Variants in COL6A5 observed in about 807,000 individuals in gnomAD.
The protein encoded by COL6A5 is collagen alpha-5(VI) chain.
COL6A5 carries 48 observed loss-of-function variants against 65.6 expected under a neutral mutation model. The ratio of observed to expected loss-of-function variants is 0.73; its 90% CI spans 0.58 to 0.93. COL6A5 has a LOEUF of 0.93. COL6A5 is among the 40% of genes least tolerant of loss of function. COL6A5 has a pLI of 0.00. For synonymous variants in COL6A5, 291 were observed against 322.8 expected (o/e 0.90, Z 1.05); for missense variants, 914 against 928.3 (o/e 0.98, Z 0.20).
intron 25 of COL6A5, among the ~76,000 whole-genome samples, chr3:130,420,156 G>GGA (rs58790676): frequency 1.3e-5 from 2 of 151,544 alleles, no homozygotes; most frequent in Non-Finnish European, 1.5e-5. Flanking sequence ...AAGGAAGGAA[G>GGA]AGAGGAAAGA....
intron 4 of COL6A5, among the ~76,000 whole-genome samples, chr3:130,383,767 C>G (rs771145098): frequency 1.2e-4 from 18 of 152,012 alleles, no homozygotes; most frequent in Non-Finnish European, 2.2e-4. Context: ...CTGTGAATAT[C>G]TACATAAAGT....
At chr3:130,373,523 A>G (rs1935639927) in intron 1 of COL6A5, 88 bp from the exon 2 acceptor site, 6 of 642,496 alleles carry the variant, frequency 9.3e-6, no homozygotes. Context: ...ACTTGTTTAC[A>G]GGTACCATGC....
At chr3:130,471,074 TTGTG>T (rs34150957) in intron 7 of COL6A5, 107 bp downstream of exon 39, 7,420 of 552,584 alleles carry the variant, frequency 0.013, 107 homozygotes, top group East Asian at 0.064. Context: ...GTGTGTGTTT[TTGTG>T]TGTGTGTGTG....
chr3:130,353,381 A>G (rs1001916509), intron 1 of COL6A5, among the ~76,000 whole-genome samples: 3 of 152,226 alleles, frequency 2.0e-5, no homozygotes, highest in Non-Finnish European at 4.4e-5. Context: ...TACGTGCAAA[A>G]CAAAGATCAA....
chr3:130,441,343 T>G (rs1709175940), intron 3 of COL6A5, among the ~76,000 whole-genome samples: 2 of 152,180 alleles, frequency 1.3e-5, no homozygotes, highest in South Asian at 4.1e-4. Context: ...GATACTGCAG[T>G]AATGTCAATG....
exon 8 of COL6A5, chr3:130,395,247 G>A (rs766806530): frequency 1.3e-6 from 2 of 1,551,656 alleles, no homozygotes; most frequent in Non-Finnish European, 1.7e-6. Flanking sequence ...ATCACATCTG[G>A]AGATCCTCGC....
At chr3:130,412,132 C>G (rs13094766) in intron 20 of COL6A5, among the ~76,000 whole-genome samples, 18,634 of 152,186 alleles carry the variant, frequency 0.12, 1,201 homozygotes, top group Middle Eastern at 0.14. Flanking sequence ...AATCCACATT[C>G]AAGGCCCTAT....
chr3:130,347,750 G>T lies in COL6A5; in HGVS notation c.-29+1769G>T, dbSNP rs1577412731. On this transcript the variant is annotated intron_variant and NMD_transcript_variant, in intron 1 of 41. Coordinates refer to the COL6A5 transcript ENST00000312481. ...CTCAGAATCCTCCAGCTCTGAGAGT[G>T]GAGGGCACAAATTCACTTGGAATGT... 2.6e-5 allele frequency among the ~76,000 whole-genome samples: 4 copies of T among 152,282 alleles called. No homozygotes were observed. In the East Asian group the frequency reaches 7.7e-4, roughly 29 times the overall value.
chr3:130,407,685 A>C (rs546163632), intron 17 of COL6A5, among the ~76,000 whole-genome samples: 258 of 152,318 alleles, frequency 1.7e-3, no homozygotes, highest in African/African-American at 6.0e-3. Flanking sequence ...CTCTCATCTC[A>C]CACTAGTCCT....
chr3:130,417,658 G>T (rs1001985519), intron 24 of COL6A5, among the ~76,000 whole-genome samples: 1 of 152,118 alleles, frequency 6.6e-6, no homozygotes, highest in Non-Finnish European at 1.5e-5. Context: ...GTTGGGGATC[G>T]TCAGAGAGCA....
intron 7 of COL6A5, among the ~76,000 whole-genome samples, chr3:130,479,111 T>C (rs1328732389): frequency 6.6e-6 from 1 of 151,684 alleles, no homozygotes; most frequent in Non-Finnish European, 1.5e-5. Context: ...TATTAGGAGG[T>C]AGGATATTTG....
chr3:130,395,061 G>A lies in COL6A5; in HGVS notation c.3164G>A (p.Ser1055Asn), dbSNP rs183470574. Residue 1055 changes from serine to asparagine, a missense_variant and NMD_transcript_variant, in exon 8 of 42, where the codon AGT becomes AAT. Coordinates refer to the COL6A5 transcript ENST00000312481. ...GCTCAATTTGGAAGCAACTACCAGA[G>A]TATTATTGAGTTGAAAAACTCTCTG... 251 of 1,551,646 alleles carry A rather than the reference G, an allele frequency of 1.6e-4. 2 individuals are homozygous for A. The highest frequency in any genetic ancestry group is 7.0e-6 in the Non-Finnish European group (8 of 1,146,970).
In COL6A5 at chr3:130,426,247, T is replaced by G. The variant is rs773613339; in HGVS notation, c.5197T>G (p.Ser1733Ala). 8 of 1,551,366 alleles carry G rather than the reference T, an allele frequency of 5.2e-6. No individual in the cohort carries two copies. The South Asian group carries it at 8.3e-5, about 16-fold the overall frequency. The stretch of plus-strand genomic sequence containing the variant: ...AGGCATGGCAGGGCAGCCTGTATAT[T>G]CTGTATGTATCTCCTTATTCATGAA... The change falls in exon 30 of 42, where the codon TCT (serine) becomes GCT (alanine). Residue 1733 changes from serine (S) to alanine (A), a missense_variant and splice_region_variant and NMD_transcript_variant. Physicochemically the swap from Ser to Ala is moderately conservative, Grantham distance 99. Transcript: ENST00000312481.
exon 5 of COL6A5, chr3:130,384,932 G>C (rs1409445472): frequency 6.4e-7 from 1 of 1,550,932 alleles, no homozygotes; most frequent in Admixed American, 2.0e-5. Context: ...CATTGGCCCA[G>C]ACAAAGTCCG....
intron 2 of COL6A5, 103 bp downstream of exon 2, chr3:130,373,808 A>C: frequency 1.3e-6 from 1 of 762,566 alleles, no homozygotes; most frequent in Non-Finnish European, 2.2e-6. Context: ...AAATCAAAGT[A>C]TGCAGCATTT....
chr3:130,440,412 C>T (rs756295529), exon 3 of COL6A5: 3 of 1,613,562 alleles, frequency 1.9e-6, no homozygotes, highest in African/African-American at 1.3e-5. Flanking sequence ...AAGATGGGTA[C>T]AGTAAAAACA....
chr3:130,376,819 T>A, exon 3 of COL6A5: 1 of 1,611,978 alleles, frequency 6.2e-7, no homozygotes, highest in Non-Finnish European at 8.5e-7. Context: ...GAGGGAGCCG[T>A]CGATGCTGAT....
intron 1 of COL6A5, among the ~76,000 whole-genome samples, chr3:130,368,300 T>G (rs1405322871): frequency 6.6e-6 from 1 of 152,184 alleles, no homozygotes; most frequent in Non-Finnish European, 1.5e-5. Context: ...GCCTTTTGCT[T>G]CTAGAAATTT....
intron 1 of COL6A5, among the ~76,000 whole-genome samples, chr3:130,437,596 C>T (rs1455416869): frequency 6.6e-6 from 1 of 152,120 alleles, no homozygotes. Context: ...TTGCAAGTCT[C>T]TAAATGATCT....
Sources: gnomAD v4.1 joint callset for allele counts (sites outside exome capture counted in the v4.1 genomes callset) on GRCh38, gnomAD v4.1.1 for gene constraint, MANE v1.5 for transcripts, NCBI Gene and HGNC (gene_info 2026-07-23, HGNC 2026-07-21) for gene names.